The following DYNC2LI1 variants were observed in gnomAD, a reference collection of about 807,000 sequenced individuals.
The protein encoded by DYNC2LI1 is cytoplasmic dynein 2 light intermediate chain 1.
DYNC2LI1 carries 45 observed loss-of-function variants against 51.9 expected under a neutral mutation model. That is an observed-to-expected ratio of 0.87 (90% CI 0.68 to 1.11). The LOEUF (loss-of-function observed/expected upper bound fraction) is 1.11, where lower values mean the gene tolerates loss of function less well. Ranked by LOEUF, DYNC2LI1 falls within the 50% of genes most tolerant of loss-of-function variation. The pLI, the probability that DYNC2LI1 is intolerant of heterozygous loss-of-function variation, is 0.00. For synonymous variants in DYNC2LI1, 130 were observed against 137.8 expected, an observed-to-expected ratio of 0.94 and a Z score of 0.40; for missense variants, 490 against 417.4, an observed-to-expected ratio of 1.17 and a Z score of -1.51.
rs143706998 is a variant in DYNC2LI1, at chr2:43,774,233, A to C, written c.8+87A>C. ...CCCAGGCGGGACCAGCTGTTGGAAG[A>C]TTGTGGGGGTGGCTACTTGCCACCA... On this transcript the variant is annotated intron_variant, in intron 1 of 12. Coordinates refer to ENST00000260605, the MANE Select transcript of DYNC2LI1 (RefSeq NM_016008.4). 7.7e-3 allele frequency: 12,154 copies of C among 1,570,706 alleles called. 58 individuals carry two copies. The highest frequency in any genetic ancestry group is 9.4e-3 in the Non-Finnish European group (10,796 of 1,153,014).
the DYNC2LI1 span, among the ~76,000 whole-genome samples, chr2:43,816,116 C>G: frequency 6.4e-4 from 98 of 152,180 alleles, no homozygotes; most frequent in Non-Finnish European, 1.0e-3. Flanking sequence ...GGTTTGATAT[C>G]AGAAAAGAAA....
At chr2:43,794,249 G>A in intron 5 of DYNC2LI1, 2 of 484,500 alleles carry the variant, frequency 4.1e-6, no homozygotes, top group South Asian at 7.9e-5. Flanking sequence ...TTCCACTATT[G>A]TAACACTTAA....
chr2:43,791,634 CCAT>C (rs1291836325), intron 5 of DYNC2LI1, among the ~76,000 whole-genome samples: 1 of 152,146 alleles, frequency 6.6e-6, no homozygotes, highest in Non-Finnish European at 1.5e-5. Flanking sequence ...ATTTCATTCA[CCAT>C]GTCAAAAACA....
Position 43,809,929 on chromosome 2 carries a change from A to C in DYNC2LI1, c.*162A>C. 7.4e-7 allele frequency: 1 copy of C among 1,355,522 alleles called. No homozygotes were observed. Among genetic ancestry groups the C allele is most frequent in the Non-Finnish European group, 9.5e-7 (1 of 1,052,120 alleles). The allele number at this position is 1,355,522 out of a possible 1,614,324, so 84.0% of individuals were successfully genotyped here. On this transcript the variant is annotated 3_prime_UTR_variant, in exon 13 of 13. Coordinates refer to ENST00000260605, the MANE Select transcript of DYNC2LI1 (RefSeq NM_016008.4). ...CTAGTGCATCTCCCTGTATATCTTGAAGCTTTTTAAAAGGAAAAATTATTG... is the reference window on the plus strand; with the variant it reads ...CTAGTGCATCTCCCTGTATATCTTGCAGCTTTTTAAAAGGAAAAATTATTG...
At chr2:43,818,008 C>T in the DYNC2LI1 span, among the ~76,000 whole-genome samples, 7 of 152,210 alleles carry the variant, frequency 4.6e-5, no homozygotes, top group South Asian at 1.2e-3. Context: ...GAAAGCTTAA[C>T]GTTAACCTAC....
chr2:43,803,812 A>G (rs1282748802), intron 10 of DYNC2LI1, among the ~76,000 whole-genome samples: 1 of 152,234 alleles, frequency 6.6e-6, no homozygotes, highest in Non-Finnish European at 1.5e-5. Context: ...GTTTTGGGGA[A>G]CAATACAGTT....
the DYNC2LI1 span, chr2:43,822,808 A>G: frequency 6.2e-7 from 1 of 1,614,100 alleles, no homozygotes; most frequent in Non-Finnish European, 8.5e-7. Flanking sequence ...AGTAGCACAC[A>G]CTGCTGAAAA....
intron 10 of DYNC2LI1, among the ~76,000 whole-genome samples, chr2:43,803,019 C>T (rs1406407982): frequency 6.6e-6 from 1 of 152,070 alleles, no homozygotes; most frequent in East Asian, 1.9e-4. Context: ...GTGACACCAC[C>T]AAATACTGGC....
At chr2:43,784,677 G>A (rs141966375) in intron 3 of DYNC2LI1, among the ~76,000 whole-genome samples, 242 of 152,190 alleles carry the variant, frequency 1.6e-3, no homozygotes, top group African/African-American at 5.3e-3. Context: ...CAGGTGATCC[G>A]CCTGCCACGG....
intron 2 of DYNC2LI1, among the ~76,000 whole-genome samples, chr2:43,780,489 T>A (rs1453068971): frequency 6.6e-6 from 1 of 152,116 alleles, no homozygotes; most frequent in Non-Finnish European, 1.5e-5. Context: ...GTAGAGTAGT[T>A]GTTTATAGGT....
downstream of DYNC2LI1, among the ~76,000 whole-genome samples, chr2:43,811,220 T>G (rs1041846666): frequency 6.6e-6 from 1 of 152,210 alleles, no homozygotes; most frequent in African/African-American, 2.4e-5. Context: ...CTATAACTGA[T>G]GTGACATATA....
chr2:43,822,915 T>C, the DYNC2LI1 span: 2 of 1,614,028 alleles, frequency 1.2e-6, no homozygotes, highest in African/African-American at 2.7e-5. Flanking sequence ...TCCTGGTCGC[T>C]GACAGCTCGC....
At chr2:43,804,128 A>G (rs1666161157) in intron 10 of DYNC2LI1, among the ~76,000 whole-genome samples, 1 of 152,226 alleles carries the variant, frequency 6.6e-6, no homozygotes, top group African/African-American at 2.4e-5. Flanking sequence ...ATATACCAAT[A>G]TACCTTAGTA....
chr2:43,790,707 C>G (rs1485768217), intron 5 of DYNC2LI1, among the ~76,000 whole-genome samples: 2 of 152,078 alleles, frequency 1.3e-5, no homozygotes, highest in Non-Finnish European at 2.9e-5. Context: ...GGTATTTCAG[C>G]CTTTTCAATG....
chr2:43,810,195 AT>A (rs1439216569), downstream of DYNC2LI1, among the ~76,000 whole-genome samples: 1 of 152,210 alleles, frequency 6.6e-6, no homozygotes. Context: ...GGGTTCACAG[AT>A]GTCAAAATTT....
At chr2:43,817,037 G>C in the DYNC2LI1 span, among the ~76,000 whole-genome samples, 1 of 152,200 alleles carries the variant, frequency 6.6e-6, no homozygotes, top group Non-Finnish European at 1.5e-5. Flanking sequence ...GGAGAAAAAT[G>C]GGTAAATGGA....
Position 43,776,890 on chromosome 2 carries a change from T to TA in DYNC2LI1, c.122dup (p.Asn41LysfsTer13). The stretch of plus-strand genomic sequence containing the variant: ...AAAAATTTGTTTTCTTCATTGGCAG[T>TA]AAAAATGGGGTAATGCTTTCTTTTT... On this transcript the variant is annotated frameshift_variant, in exon 2 of 13. Transcript: ENST00000260605. LOFTEE classifies it high-confidence loss of function. 1 of 1,518,548 alleles carries TA rather than the reference T, an allele frequency of 6.6e-7. No individual in the cohort carries two copies. Among genetic ancestry groups the TA allele is most frequent in the Non-Finnish European group, 9.1e-7 (1 of 1,098,938 alleles). 94.1% of individuals were successfully genotyped at this position (1,518,548 alleles called of 1,614,324 possible).
chr2:43,801,457 T>C (rs1451597618), intron 9 of DYNC2LI1, 182 bp from the exon 10 acceptor site: 1 of 452,514 alleles, frequency 2.2e-6, no homozygotes, highest in African/African-American at 2.0e-5. Flanking sequence ...AAAATGTTTA[T>C]TTATGCTATA....
At chr2:43,796,970 A>G (rs1336159060) in intron 8 of DYNC2LI1, among the ~76,000 whole-genome samples, 175 bp downstream of exon 8, 1 of 152,226 alleles carries the variant, frequency 6.6e-6, no homozygotes, top group Admixed American at 6.5e-5. Flanking sequence ...TCTGTTGAAC[A>G]TGCACTGCTA....
Sources: allele counts gnomAD v4.1 joint callset (sites outside exome capture counted in the v4.1 genomes callset), GRCh38; gene constraint gnomAD v4.1.1; transcripts MANE v1.5; gene names NCBI Gene and HGNC (gene_info 2026-07-23, HGNC 2026-07-21).